AKAP13: variants seen among roughly 807,000 people sequenced by gnomAD.
AKAP13 encodes A-kinase anchor protein 13.
In AKAP13, 80 loss-of-function variants were observed where a neutral mutation model predicts 264.5. That is an observed-to-expected ratio of 0.30 (90% CI 0.25 to 0.36). The LOEUF (loss-of-function observed/expected upper bound fraction) is 0.36. AKAP13 is among the 10% of genes least tolerant of loss of function. AKAP13 has a pLI of 1.00. For missense variants in AKAP13, 3,712 were observed against 3,435.2 expected (o/e 1.08, Z -2.01); for synonymous variants, 1,380 against 1,250.2 (o/e 1.10, Z -2.19).
At chr15:85,458,005 T>G (rs994952868) in intron 1 of AKAP13, among the ~76,000 whole-genome samples, 1 of 152,014 alleles carries the variant, frequency 6.6e-6, no homozygotes, top group Non-Finnish European at 1.5e-5. Context: ...CTGGGTGTGG[T>G]GGCGCCCGCC....
At chr15:85,723,575 A>G (rs2087423027) in intron 26 of AKAP13, among the ~76,000 whole-genome samples, 1 of 152,212 alleles carries the variant, frequency 6.6e-6, no homozygotes, top group Admixed American at 6.5e-5. Flanking sequence ...AAGGTTTTAA[A>G]AAAACAAAGC....
intron 30 of AKAP13, among the ~76,000 whole-genome samples, chr15:85,733,873 C>CTTTTTTTTTTTTTT (rs72092500): frequency 1.5e-3 from 121 of 82,576 alleles, no homozygotes; most frequent in Admixed American, 1.8e-3. Context: ...TCTTTCTTTT[C>CTTTTTTTTTTTTTT]TTTTTTTTTT....
intron 1 of AKAP13, among the ~76,000 whole-genome samples, chr15:85,384,834 T>G (rs554466580): frequency 1.7e-4 from 26 of 152,304 alleles, no homozygotes; most frequent in Admixed American, 1.3e-4. Flanking sequence ...ACAAGTTGAT[T>G]GTGACGTTAT....
chr15:85,715,027 C>A (rs1054224406), intron 19 of AKAP13, among the ~76,000 whole-genome samples: 1 of 152,144 alleles, frequency 6.6e-6, no homozygotes, highest in Non-Finnish European at 1.5e-5. Context: ...ATGTAATACT[C>A]CCACAGGATT....
chr15:85,668,965 C>A lies in AKAP13; in HGVS notation c.4993-757C>A, dbSNP rs138065059. On this transcript the variant is annotated intron_variant, in intron 13 of 36. Coordinates refer to ENST00000394518, the MANE Select transcript of AKAP13 (RefSeq NM_007200.5). ...CTCAAAAATAAAAATAGGCTGGGTG[C>A]GGTGACTCACGCCTGTAATCCCAAC... Among the ~76,000 whole-genome samples the A allele has an allele frequency of 8.1e-3, 1,225 of 151,938 alleles. 18 individuals carry two copies. The highest frequency in any genetic ancestry group is 0.028 in the African/African-American group (1,161 of 41,426).
intron 17 of AKAP13, among the ~76,000 whole-genome samples, chr15:85,704,730 T>C (rs7162723): frequency 0.69 from 104,746 of 152,176 alleles, 37,433 homozygotes; most frequent in Non-Finnish European, 0.78. Context: ...GATAATTATT[T>C]TCTGATCTTC....
intron 8 of AKAP13, among the ~76,000 whole-genome samples, chr15:85,629,763 CCTTTTTTTTTTTTT>C (rs2081607097): frequency 1.3e-5 from 1 of 76,148 alleles, no homozygotes; most frequent in Non-Finnish European, 2.9e-5. Flanking sequence ...TCCTTTACAG[CCTTTTTTTTTTTTT>C]TTTTTTTTTT....
intron 8 of AKAP13, among the ~76,000 whole-genome samples, chr15:85,613,713 T>TATATATG (rs1254657975): frequency 2.7e-5 from 3 of 110,992 alleles, no homozygotes; most frequent in South Asian, 6.8e-4. Context: ...TATATATATA[T>TATATATG]TAGGAGTGCT....
chr15:85,636,516 C>T (rs891416262), intron 8 of AKAP13, among the ~76,000 whole-genome samples: 1 of 152,168 alleles, frequency 6.6e-6, no homozygotes, highest in Non-Finnish European at 1.5e-5. Context: ...TAATGTTAAC[C>T]GTAGGTTTTT....
chr15:85,428,586 C>A (rs562004954), intron 1 of AKAP13, among the ~76,000 whole-genome samples: 61 of 152,322 alleles, frequency 4.0e-4, no homozygotes, highest in African/African-American at 1.4e-3. Flanking sequence ...ACATTTTCTC[C>A]TTGTTTTTCA....
chr15:85,652,465 G>A (rs2082900926), intron 10 of AKAP13, among the ~76,000 whole-genome samples: 1 of 152,158 alleles, frequency 6.6e-6, no homozygotes, highest in Non-Finnish European at 1.5e-5. Context: ...TGTTTGCCTT[G>A]AAGTCTTTTT....
intron 9 of AKAP13, among the ~76,000 whole-genome samples, chr15:85,643,173 A>G (rs1488059057): frequency 6.6e-6 from 1 of 150,494 alleles, no homozygotes; most frequent in African/African-American, 2.4e-5. Flanking sequence ...AGATTCATCC[A>G]TGAGCCCTCT....
Position 85,748,795 on chromosome 15 carries a change from CGAAGTGA to C in AKAP13, c.*4120_*4126del, listed in dbSNP as rs1452560223. On this transcript the variant is annotated 3_prime_UTR_variant, in exon 37 of 37. Coordinates refer to ENST00000394518, the MANE Select transcript of AKAP13 (RefSeq NM_007200.5). ...CCCCACTGGCTGTGTCCCCTGCCAC[CGAAGTGA>C]GTGACCTGCCCTACAACCAGGTGGG... 3.3e-5 allele frequency: 5 copies of C among 152,322 alleles called. 2 individuals carry two copies. The East Asian group carries it at 9.6e-4, about 29-fold the overall frequency. 9.4% of individuals were successfully genotyped at this position (152,322 alleles called of 1,614,324 possible).
intron 8 of AKAP13, among the ~76,000 whole-genome samples, chr15:85,633,691 C>G (rs952662140): frequency 8.6e-5 from 13 of 151,404 alleles, no homozygotes; most frequent in Admixed American, 4.6e-4. Flanking sequence ...CTACAGGCGC[C>G]CGCCACCACG....
At chr15:85,473,980 C>G (rs117128499) in intron 1 of AKAP13, among the ~76,000 whole-genome samples, 1 of 152,208 alleles carries the variant, frequency 6.6e-6, no homozygotes, top group Non-Finnish European at 1.5e-5. Flanking sequence ...ATAAAATCCT[C>G]ACTTCTTACT....
At position 85,710,587 on chromosome 15, in the gene AKAP13, AG is replaced by A. The variant is rs1338783906; in HGVS notation, c.5544del (p.Ser1849AlafsTer15). The A allele has an allele frequency of 6.2e-7, 1 of 1,613,956 alleles. No individual in the cohort carries two copies. Among genetic ancestry groups the A allele is most frequent in the Non-Finnish European group, 8.5e-7 (1 of 1,179,902 alleles). ...ACTTTCTTTCTCTTTAGCAGCCCAA[AG>A]GGAGCCTTCAGGCACATGACACATC... is the stretch of plus-strand genomic sequence containing the variant. The part of the protein sequence containing the change: ...CAKVKMKQPK[G>X]SLQAHDTSSL... On this transcript the variant is annotated frameshift_variant, in exon 19 of 37. Transcript: ENST00000394518. LOFTEE classifies it high-confidence loss of function.
intron 2 of AKAP13, among the ~76,000 whole-genome samples, chr15:85,486,059 G>T (rs1433703767): frequency 6.6e-6 from 1 of 152,192 alleles, no homozygotes; most frequent in Admixed American, 6.5e-5. Context: ...TTTTTTACCT[G>T]CAGTGCATTC....
chr15:85,476,795 A>G lies in AKAP13; in HGVS notation c.-11-8915A>G, dbSNP rs146483450. On this transcript the variant is annotated intron_variant, in intron 1 of 36. Transcript: ENST00000394518. ...CTCTAATCTTAATGAGGACTCTGCA[A>G]TCATCCTTTCCTTTAATAACTATTC... Among the ~76,000 whole-genome samples, 101 of 152,332 alleles carry G rather than the reference A, an allele frequency of 6.6e-4. No individual in the cohort carries two copies. In the East Asian group the frequency reaches 0.014, roughly 22 times the overall value.
chr15:85,537,180 A>G (rs1166578287), intron 4 of AKAP13, among the ~76,000 whole-genome samples: 1 of 151,972 alleles, frequency 6.6e-6, no homozygotes, highest in Non-Finnish European at 1.5e-5. Context: ...AGTAAGGGAG[A>G]GAAGCATCAG....
Sources: gnomAD v4.1 joint callset for allele counts (sites outside exome capture counted in the v4.1 genomes callset) on GRCh38, gnomAD v4.1.1 for gene constraint, MANE v1.5 for transcripts, NCBI Gene and HGNC (gene_info 2026-07-23, HGNC 2026-07-21) for gene names.